Variants in SDK1 observed in about 807,000 individuals in gnomAD.
SDK1 encodes the protein sidekick cell adhesion molecule 1.
SDK1 carries 157 observed loss-of-function variants against 245.5 expected under a neutral mutation model. The ratio of observed to expected loss-of-function variants is 0.64; its 90% CI spans 0.56 to 0.73. SDK1 has a LOEUF of 0.73. SDK1 is among the 30% of genes least tolerant of loss of function. The pLI, the probability that SDK1 is intolerant of heterozygous loss-of-function variation, is 0.00. For missense variants in SDK1, 3,583 were observed against 3,002.3 expected, an observed-to-expected ratio of 1.19 and a Z score of -4.52; for synonymous variants, 1,647 against 1,278.5, an observed-to-expected ratio of 1.29 and a Z score of -6.15.
chr7:3,536,023 A>AT (rs1198002782), intron 1 of SDK1, among the ~76,000 whole-genome samples: 1 of 151,658 alleles, frequency 6.6e-6, no homozygotes, highest in Non-Finnish European at 1.5e-5. Context: ...TTAAAATCTA[A>AT]TTCCCCCCCT....
chr7:4,229,882 G>A (rs1785641703), intron 40 of SDK1, among the ~76,000 whole-genome samples: 1 of 151,900 alleles, frequency 6.6e-6, no homozygotes, highest in Non-Finnish European at 1.5e-5. Context: ...AAATAGTGGT[G>A]GTTATTATTT....
intron 1 of SDK1, among the ~76,000 whole-genome samples, chr7:3,382,411 A>G (rs1200224849): frequency 6.6e-6 from 1 of 152,172 alleles, no homozygotes; most frequent in Non-Finnish European, 1.5e-5. Context: ...TGTTCTGTGG[A>G]TTGAGCCATA....
chr7:3,917,637 C>G (rs2128111432), intron 5 of SDK1, among the ~76,000 whole-genome samples: 1 of 152,246 alleles, frequency 6.6e-6, no homozygotes, highest in South Asian at 2.1e-4. Context: ...AACCACACTC[C>G]TTACCCAGGG....
intron 2 of SDK1, among the ~76,000 whole-genome samples, chr7:3,632,778 C>T (rs1184648489): frequency 6.6e-6 from 1 of 152,170 alleles, no homozygotes; most frequent in East Asian, 1.9e-4. Flanking sequence ...TATTAGTGAG[C>T]TGTATACACC....
At chr7:3,604,334 C>G (rs569851575) in intron 1 of SDK1, among the ~76,000 whole-genome samples, 1 of 152,046 alleles carries the variant, frequency 6.6e-6, no homozygotes, top group Non-Finnish European at 1.5e-5. Flanking sequence ...TTCTCTGTCC[C>G]TTTTTACTGA....
chr7:3,767,466 T>A (rs2114996267), intron 4 of SDK1, among the ~76,000 whole-genome samples: 1 of 152,314 alleles, frequency 6.6e-6, no homozygotes, highest in Middle Eastern at 3.4e-3. Context: ...AAAAATTGTT[T>A]TTTCTCTTTC....
intron 17 of SDK1, among the ~76,000 whole-genome samples, chr7:4,041,749 T>C (rs1788653856): frequency 7.3e-6 from 1 of 136,510 alleles, no homozygotes; most frequent in Non-Finnish European, 1.5e-5. Context: ...GTTTAATGCA[T>C]GCGTGTCGTG....
At chr7:3,590,035 G>A (rs539198874) in intron 1 of SDK1, among the ~76,000 whole-genome samples, 2 of 152,358 alleles carry the variant, frequency 1.3e-5, no homozygotes, top group African/African-American at 4.8e-5. Context: ...GAGTTACAGT[G>A]ATTGGAAAAT....
chr7:3,652,251 A>T (rs1323370494), intron 4 of SDK1, among the ~76,000 whole-genome samples: 1 of 152,092 alleles, frequency 6.6e-6, no homozygotes, highest in Admixed American at 6.6e-5. Context: ...ACCATGGGGG[A>T]TCCCAGCTAT....
chr7:3,303,544 T>A (rs1044292707), intron 1 of SDK1, among the ~76,000 whole-genome samples: 1 of 147,144 alleles, frequency 6.8e-6, no homozygotes, highest in Non-Finnish European at 1.5e-5. Context: ...AAATACATTT[T>A]AAAAATATAT....
intron 5 of SDK1, among the ~76,000 whole-genome samples, chr7:3,913,351 T>C (rs911206494): frequency 2.0e-5 from 3 of 150,256 alleles, no homozygotes; most frequent in Admixed American, 6.7e-5. Flanking sequence ...TGGAGTGCAG[T>C]GGCACGATCT....
chr7:3,944,085 C>A (rs571764424), intron 5 of SDK1, among the ~76,000 whole-genome samples: 31 of 152,276 alleles, frequency 2.0e-4, no homozygotes, highest in Admixed American at 4.6e-4. Flanking sequence ...AAGGAGTGTT[C>A]TAGTTAATTT....
At chr7:3,498,629 C>T (rs928946305) in intron 1 of SDK1, among the ~76,000 whole-genome samples, 2 of 152,172 alleles carry the variant, frequency 1.3e-5, no homozygotes, top group Admixed American at 6.5e-5. Context: ...CTCTTGTTTT[C>T]CTCCAATATC....
At chr7:3,315,363 A>C (rs1339652311) in intron 1 of SDK1, among the ~76,000 whole-genome samples, 2 of 151,654 alleles carry the variant, frequency 1.3e-5, no homozygotes, top group African/African-American at 4.9e-5. Context: ...AGGTCCAGAG[A>C]AGTTAAGGTC....
At chr7:3,612,981 C>G (rs1168034152) in intron 1 of SDK1, among the ~76,000 whole-genome samples, 2 of 151,514 alleles carry the variant, frequency 1.3e-5, no homozygotes, top group Non-Finnish European at 2.9e-5. Flanking sequence ...TATTCATTAT[C>G]TCTTTAAAAT....
intron 1 of SDK1, among the ~76,000 whole-genome samples, chr7:3,579,779 A>G (rs1583189112): frequency 6.6e-6 from 1 of 152,178 alleles, no homozygotes; most frequent in Non-Finnish European, 1.5e-5. Context: ...AAAACAGGCA[A>G]AGAAAGGGCA....
At chr7:4,245,896 G>A in intron 44 of SDK1, 91 bp downstream of exon 44, 2 of 1,489,876 alleles carry the variant, frequency 1.3e-6, no homozygotes, top group Non-Finnish European at 1.8e-6. Context: ...TGTCCTATTT[G>A]AGTCTCATAA....
intron 5 of SDK1, among the ~76,000 whole-genome samples, chr7:3,821,850 A>G (rs1280301647): frequency 1.3e-5 from 2 of 152,194 alleles, no homozygotes; most frequent in African/African-American, 4.8e-5. Flanking sequence ...TGCTTTTTAT[A>G]CACAGTCAAT....
chr7:3,374,831 A>G (rs1275855578), intron 1 of SDK1, among the ~76,000 whole-genome samples: 1 of 152,040 alleles, frequency 6.6e-6, no homozygotes, highest in Non-Finnish European at 1.5e-5. Context: ...TCCCCTTGTT[A>G]TGCCCATTAT....
Sources: allele counts gnomAD v4.1 joint callset (sites outside exome capture counted in the v4.1 genomes callset), GRCh38; gene constraint gnomAD v4.1.1; transcripts MANE v1.5; gene names NCBI Gene and HGNC (gene_info 2026-07-23, HGNC 2026-07-21).